The following TBCA variants were observed in gnomAD, a reference collection of about 807,000 sequenced individuals.
TBCA encodes the protein tubulin-specific chaperone A.
A neutral mutation model predicts 15.8 loss-of-function variants in TBCA; 6 were observed. The observed-to-expected ratio is 0.38, with a 90% confidence interval of 0.21 to 0.75. The LOEUF (loss-of-function observed/expected upper bound fraction) is 0.75. TBCA is among the 30% of genes least tolerant of loss of function. The pLI, the probability that TBCA is intolerant of heterozygous loss-of-function variation, is 0.46. For synonymous variants in TBCA, 32 were observed against 42.3 expected (o/e 0.76, Z 0.94); for missense variants, 90 against 131.2 (o/e 0.69, Z 1.53).
chr5:77,692,934 C>T (rs1172881310), intron 3 of TBCA: 40 of 1,274,812 alleles, frequency 3.1e-5, no homozygotes, highest in Non-Finnish European at 8.9e-6. Context: ...AATCAGTCAA[C>T]TCATCCTCAA....
intron 2 of TBCA, among the ~76,000 whole-genome samples, chr5:77,697,332 C>G (rs1745894911): frequency 6.6e-6 from 1 of 152,014 alleles, no homozygotes; most frequent in South Asian, 2.1e-4. Flanking sequence ...TTTCAAGTGC[C>G]CATGAAATAT....
At chr5:77,765,630 C>T (rs958232207) in intron 1 of TBCA, among the ~76,000 whole-genome samples, 1 of 152,130 alleles carries the variant, frequency 6.6e-6, no homozygotes, top group African/African-American at 2.4e-5. Context: ...AATCTTACTC[C>T]CTTTTTCAAG....
chr5:77,768,145 T>C (rs1474595901), intron 1 of TBCA, among the ~76,000 whole-genome samples: 1 of 152,232 alleles, frequency 6.6e-6, no homozygotes, highest in Non-Finnish European at 1.5e-5. Flanking sequence ...TAAATTTCTC[T>C]TATTTATAAA....
chr5:77,748,636 G>A (rs530712866), intron 1 of TBCA, among the ~76,000 whole-genome samples: 8 of 152,086 alleles, frequency 5.3e-5, no homozygotes, highest in African/African-American at 1.9e-4. Flanking sequence ...ACATACTTGG[G>A]CATTGCCACT....
chr5:77,712,619 C>CA lies in TBCA; in HGVS notation c.54-4273dup, dbSNP rs1746306339. Among the ~76,000 whole-genome samples the CA allele has an allele frequency of 2.6e-5, 4 of 151,968 alleles. No individual in the cohort carries two copies. The South Asian group carries it at 8.3e-4, about 32-fold the overall frequency. ...AAATCACTCATAATCACTACAGATT[C>CA]AAAATACACATAATTTTGAAACCCA... On this transcript the variant is annotated intron_variant, in intron 1 of 3. Transcript: ENST00000380377.
At chr5:77,724,627 A>C (rs746429996) in intron 1 of TBCA, among the ~76,000 whole-genome samples, 9 of 152,122 alleles carry the variant, frequency 5.9e-5, no homozygotes, top group Non-Finnish European at 1.0e-4. Context: ...CACTTCAACA[A>C]AGTCATACCA....
intron 1 of TBCA, among the ~76,000 whole-genome samples, chr5:77,755,813 T>C (rs1747460553): frequency 6.6e-6 from 1 of 151,882 alleles, no homozygotes; most frequent in Non-Finnish European, 1.5e-5. Flanking sequence ...GAGACTAGCA[T>C]AACCAACATG....
At chr5:77,749,661 C>T (rs1423629032) in intron 1 of TBCA, among the ~76,000 whole-genome samples, 2 of 152,156 alleles carry the variant, frequency 1.3e-5, no homozygotes, top group Non-Finnish European at 2.9e-5. Flanking sequence ...CAATATCTCT[C>T]AATACGTAAA....
At chr5:77,734,594 C>T (rs1365377577) in intron 1 of TBCA, among the ~76,000 whole-genome samples, 1 of 152,188 alleles carries the variant, frequency 6.6e-6, no homozygotes, top group Non-Finnish European at 1.5e-5. Context: ...GCAAGAGTTA[C>T]TCCTTATGGA....
chr5:77,714,856 G>A (rs752921846), intron 1 of TBCA, among the ~76,000 whole-genome samples: 2 of 152,126 alleles, frequency 1.3e-5, no homozygotes, highest in Non-Finnish European at 2.9e-5. Flanking sequence ...GTGAGCCACT[G>A]CACCCGGCCA....
chr5:77,733,236 G>A (rs13178922), intron 1 of TBCA, among the ~76,000 whole-genome samples: 16,250 of 152,188 alleles, frequency 0.11, 935 homozygotes, highest in Middle Eastern at 0.13. Flanking sequence ...AGCCAAGATC[G>A]GGCTATTGCA....
chr5:77,723,545 AAATTCCC>A (rs1287171615), intron 1 of TBCA, among the ~76,000 whole-genome samples: 1 of 151,986 alleles, frequency 6.6e-6, no homozygotes, highest in African/African-American at 2.4e-5. Context: ...CTGAACTTTG[AAATTCCC>A]AACCATCTGA....
chr5:77,692,266 T>C (rs1745767800), intron 3 of TBCA: 1 of 985,220 alleles, frequency 1.0e-6, no homozygotes. Context: ...ATATGAAAAC[T>C]GAAAGCAAAA....
intron 1 of TBCA, among the ~76,000 whole-genome samples, chr5:77,771,293 C>G (rs1401575448): frequency 6.6e-6 from 1 of 151,860 alleles, no homozygotes; most frequent in African/African-American, 2.4e-5. Context: ...AACAACAATA[C>G]TATTAAAATC....
At chr5:77,753,002 C>A (rs1747389187) in intron 1 of TBCA, among the ~76,000 whole-genome samples, 1 of 152,062 alleles carries the variant, frequency 6.6e-6, no homozygotes, top group African/African-American at 2.4e-5. Flanking sequence ...CTAATTTTTT[C>A]TTTATTTTAA....
intron 1 of TBCA, among the ~76,000 whole-genome samples, chr5:77,742,049 C>T (rs1032690802): frequency 2.0e-5 from 3 of 152,128 alleles, no homozygotes; most frequent in Non-Finnish European, 4.4e-5. Flanking sequence ...TGGGTAGAAT[C>T]AGTGAAATAT....
intron 2 of TBCA, among the ~76,000 whole-genome samples, chr5:77,696,455 C>A (rs1038976567): frequency 6.6e-6 from 1 of 152,044 alleles, no homozygotes; most frequent in East Asian, 1.9e-4. Flanking sequence ...TGGGCCCTTA[C>A]GCTCTAATGT....
At chr5:77,707,158 T>TTA (rs775222477) in intron 2 of TBCA, among the ~76,000 whole-genome samples, 70 of 151,966 alleles carry the variant, frequency 4.6e-4, no homozygotes, top group Non-Finnish European at 8.1e-4. Flanking sequence ...TCACTGATAG[T>TTA]TATAACAAGG....
chr5:77,749,608 T>C (rs1747270509), intron 1 of TBCA, among the ~76,000 whole-genome samples: 1 of 152,224 alleles, frequency 6.6e-6, no homozygotes, highest in African/African-American at 2.4e-5. Context: ...AAATCATTAG[T>C]AGAACTATAA....
Sources: gnomAD v4.1 joint callset for allele counts (sites outside exome capture counted in the v4.1 genomes callset) on GRCh38, gnomAD v4.1.1 for gene constraint, MANE v1.5 for transcripts, NCBI Gene and HGNC (gene_info 2026-07-23, HGNC 2026-07-21) for gene names.